CEMIP: variants seen among roughly 807,000 people sequenced by gnomAD.
The protein encoded by CEMIP is cell migration inducing hyaluronidase 1.
Under a neutral mutation model 156.9 loss-of-function variants are expected in CEMIP, and 105 were observed. The observed-to-expected ratio is 0.67, with a 90% CI of 0.57 to 0.79. CEMIP has a LOEUF of 0.79. CEMIP is among the 30% of genes least tolerant of loss of function. The pLI is 0.00. For missense variants in CEMIP, 1,457 were observed against 1,769.4 expected (o/e 0.82, Z 3.17); for synonymous variants, 676 against 668.4 (o/e 1.01, Z -0.17).
In CEMIP at chr15:80,802,264, C is replaced by T. The variant is rs755028; in HGVS notation, c.-176+22650C>T. Among the ~76,000 whole-genome samples, 512 of 152,324 alleles carry T rather than the reference C, an allele frequency of 3.4e-3. 5 individuals are homozygous for T. The highest frequency in any genetic ancestry group is 0.011 in the South Asian group (55 of 4,826). ...TACCCAGGAGGCAGACACCATAAGG[C>T]GGGAAAGGGACATATGTACAGAATC... On this transcript the variant is annotated intron_variant, in intron 1 of 29. Transcript: ENST00000394685.
chr15:80,946,020 T>C (rs1386734168), intron 28 of CEMIP, among the ~76,000 whole-genome samples: 1 of 152,260 alleles, frequency 6.6e-6, no homozygotes, highest in East Asian at 1.9e-4. Context: ...CTGAGATACT[T>C]GGTAACTATT....
At chr15:80,930,349 A>G (rs1244716047) in intron 21 of CEMIP, among the ~76,000 whole-genome samples, 1 of 152,240 alleles carries the variant, frequency 6.6e-6, no homozygotes, top group African/African-American at 2.4e-5. Flanking sequence ...GCCAAGGGTT[A>G]CCAGCCTCCC....
chr15:80,790,253 C>A (rs1381057283), intron 1 of CEMIP, among the ~76,000 whole-genome samples: 2 of 152,184 alleles, frequency 1.3e-5, no homozygotes, highest in Non-Finnish European at 2.9e-5. Flanking sequence ...ATGAATGAGT[C>A]CTGCGTCTGA....
At chr15:80,832,322 C>G (rs1052738881) in intron 1 of CEMIP, among the ~76,000 whole-genome samples, 52 of 128,106 alleles carry the variant, frequency 4.1e-4, no homozygotes, top group African/African-American at 1.3e-3. Context: ...AAAATAAACT[C>G]TGTGTGTGTG....
At chr15:80,926,323 T>A (rs1900666776) in intron 19 of CEMIP, among the ~76,000 whole-genome samples, 1 of 152,220 alleles carries the variant, frequency 6.6e-6, no homozygotes, top group African/African-American at 2.4e-5. Flanking sequence ...TGTGAGTGAC[T>A]GGCACATGCT....
intron 21 of CEMIP, 63 bp downstream of exon 21, chr15:80,929,237 G>A: frequency 6.3e-7 from 1 of 1,596,980 alleles, no homozygotes; most frequent in Non-Finnish European, 8.6e-7. Flanking sequence ...TGTGATGGAA[G>A]GGAAAAAGTT....
chr15:80,874,728 T>C (rs111236579), intron 3 of CEMIP, among the ~76,000 whole-genome samples: 8 of 152,210 alleles, frequency 5.3e-5, no homozygotes, highest in African/African-American at 1.9e-4. Context: ...GAAACACTGA[T>C]CAGATAATCC....
chr15:80,844,221 G>T lies in CEMIP; in HGVS notation c.-175-29317G>T, dbSNP rs1240960230. Among the ~76,000 whole-genome samples, 3 of 152,204 alleles carry T rather than the reference G, an allele frequency of 2.0e-5. No individual in the cohort carries two copies. The East Asian group carries it at 5.8e-4, about 29-fold the overall frequency. On this transcript the variant is annotated intron_variant, in intron 1 of 29. Transcript: ENST00000394685. The stretch of plus-strand genomic sequence containing the variant: ...GTGGGCGTGGAGCTCCTGCTTGTGT[G>T]CCCCCACCCCTGTCGCGCCCTCCCC...
chr15:80,781,159 AC>A (rs1895783125), intron 1 of CEMIP, among the ~76,000 whole-genome samples: 1 of 152,202 alleles, frequency 6.6e-6, no homozygotes, highest in Non-Finnish European at 1.5e-5. Context: ...TCCAGCTCAA[AC>A]TGTTTTCTGT....
At chr15:80,797,853 T>C (rs1278665368) in intron 1 of CEMIP, among the ~76,000 whole-genome samples, 1 of 152,190 alleles carries the variant, frequency 6.6e-6, no homozygotes, top group East Asian at 1.9e-4. Flanking sequence ...TAGGAAGCAA[T>C]GCCAGGCCGC....
chr15:80,892,586 T>C (rs1899067435), intron 10 of CEMIP, among the ~76,000 whole-genome samples: 1 of 152,150 alleles, frequency 6.6e-6, no homozygotes, highest in African/African-American at 2.4e-5. Context: ...AAACATATTC[T>C]GAAGCCAGAG....
At chr15:80,840,663 G>A (rs559754027) in intron 1 of CEMIP, among the ~76,000 whole-genome samples, 9 of 152,188 alleles carry the variant, frequency 5.9e-5, no homozygotes, top group East Asian at 5.8e-4. Flanking sequence ...TCCCTGGCCC[G>A]AGGCGTGGGA....
At chr15:80,869,913 C>A (rs1470549175) in intron 1 of CEMIP, among the ~76,000 whole-genome samples, 3 of 152,208 alleles carry the variant, frequency 2.0e-5, no homozygotes, top group Non-Finnish European at 4.4e-5. Flanking sequence ...GGAATTCAAA[C>A]CCAGATTTTC....
intron 25 of CEMIP, among the ~76,000 whole-genome samples, chr15:80,940,054 C>T (rs1901280903): frequency 6.6e-6 from 1 of 152,214 alleles, no homozygotes; most frequent in South Asian, 2.1e-4. Flanking sequence ...CTTAATACCA[C>T]CTCAGTGAAT....
intron 1 of CEMIP, among the ~76,000 whole-genome samples, chr15:80,824,753 G>A (rs1283721137): frequency 1.3e-5 from 2 of 152,162 alleles, no homozygotes; most frequent in Admixed American, 6.5e-5. Flanking sequence ...TACTAAATAG[G>A]AAAGGCTCAT....
In CEMIP at chr15:80,888,766, A is replaced by G. The variant is rs1457990658; in HGVS notation, c.934A>G (p.Asn312Asp). The change falls in exon 9 of 30, where the codon AAT (asparagine) becomes GAT (aspartate). Residue 312 changes from asparagine to aspartate, a missense_variant. By Grantham distance (23) the Asn-to-Asp change is conservative. Around this residue, in one of 5 missense-constraint regions of CEMIP, gnomAD observed 280 missense variants for 300.3 expected, o/e 0.93. Coordinates refer to ENST00000394685, the MANE Select transcript of CEMIP (RefSeq NM_001293298.2). The part of the protein sequence containing the change: ...LFQTEHGEYF[N>D]VSLSSEWVQD... ...CCAGACAGAGCATGGCGAATATTTC[A>G]ATGTTTCTTTGTCCAGTGAGTGGGT... 1 of 1,614,128 alleles carries G rather than the reference A, an allele frequency of 6.2e-7. No homozygotes were observed. The highest frequency in any genetic ancestry group is 2.2e-5 in the East Asian group (1 of 44,892).
intron 1 of CEMIP, among the ~76,000 whole-genome samples, chr15:80,811,575 G>A (rs930349193): frequency 4.6e-5 from 7 of 152,182 alleles, no homozygotes; most frequent in African/African-American, 7.2e-5. Context: ...TTTATTTTGA[G>A]ACAGAGTCTC....
At chr15:80,825,235 AGTGT>A (rs113366050) in intron 1 of CEMIP, among the ~76,000 whole-genome samples, 1 of 150,852 alleles carries the variant, frequency 6.6e-6, no homozygotes, top group African/African-American at 2.4e-5. Context: ...ACCACTATGA[AGTGT>A]GTGTGTGTGT....
In CEMIP at chr15:80,888,688, G is replaced by C; in HGVS notation, c.869-13G>C. 1 of 1,613,662 alleles carries C rather than the reference G, an allele frequency of 6.2e-7. No homozygotes were observed. Among genetic ancestry groups the C allele is most frequent in the Non-Finnish European group, 8.5e-7 (1 of 1,179,598 alleles). ...GTCTGTCCAGCTCCTAAAGGGTCTCGTTTCTCTGACAGGACATCGAGGCTC... is the reference window on the plus strand; with the variant it reads ...GTCTGTCCAGCTCCTAAAGGGTCTCCTTTCTCTGACAGGACATCGAGGCTC... On this transcript the variant is annotated splice_polypyrimidine_tract_variant and intron_variant, in intron 8 of 29. Coordinates refer to ENST00000394685, the MANE Select transcript of CEMIP (RefSeq NM_001293298.2).
Sources: allele counts gnomAD v4.1 joint callset (sites outside exome capture counted in the v4.1 genomes callset), GRCh38; gene constraint gnomAD v4.1.1; regional missense constraint gnomAD v4.1.1; transcripts MANE v1.5; gene names NCBI Gene and HGNC (gene_info 2026-07-23, HGNC 2026-07-21).